TRAPPC9: variants seen among roughly 807,000 people sequenced by gnomAD.
TRAPPC9 encodes IKK2 binding protein.
A neutral mutation model predicts 124.0 loss-of-function variants in TRAPPC9; 83 were observed. The ratio of observed to expected loss-of-function variants is 0.67; its 90% CI spans 0.56 to 0.80. TRAPPC9 has a LOEUF of 0.80. TRAPPC9 is among the 30% of genes least tolerant of loss of function. The pLI, the probability that TRAPPC9 is intolerant of heterozygous loss-of-function variation, is 0.00. For missense variants in TRAPPC9, 1,302 were observed against 1,508.3 expected (o/e 0.86, Z 2.27); for synonymous variants, 638 against 617.5 (o/e 1.03, Z -0.49).
chr8:139,809,722 G>A (rs987189089), intron 21 of TRAPPC9, among the ~76,000 whole-genome samples: 5 of 151,940 alleles, frequency 3.3e-5, no homozygotes, highest in South Asian at 4.2e-4. Flanking sequence ...CAGCCCTGCC[G>A]GCACCATCCT....
intron 20 of TRAPPC9, among the ~76,000 whole-genome samples, chr8:139,899,807 T>C (rs765773983): frequency 7.2e-5 from 11 of 152,140 alleles, no homozygotes; most frequent in Non-Finnish European, 8.8e-5. Context: ...GCCTCCTTCA[T>C]TCCAACTCGA....
chr8:139,945,092 C>T (rs543929910), intron 19 of TRAPPC9, among the ~76,000 whole-genome samples: 1 of 152,066 alleles, frequency 6.6e-6, no homozygotes, highest in East Asian at 1.9e-4. Context: ...CCATTGTGCT[C>T]CAGCCTATGC....
At chr8:139,946,166 A>C (rs1834201295) in intron 19 of TRAPPC9, among the ~76,000 whole-genome samples, 1 of 152,212 alleles carries the variant, frequency 6.6e-6, no homozygotes, top group Non-Finnish European at 1.5e-5. Flanking sequence ...CTTTTAAGGA[A>C]GATCTCAAAG....
At chr8:140,050,437 G>T in intron 17 of TRAPPC9, among the ~76,000 whole-genome samples, 1 of 152,168 alleles carries the variant, frequency 6.6e-6, no homozygotes, top group Non-Finnish European at 1.5e-5. Context: ...TCAGGGGACT[G>T]AAGCTCAGAG....
chr8:139,846,302 C>A (rs548303837), intron 21 of TRAPPC9, among the ~76,000 whole-genome samples: 45 of 152,284 alleles, frequency 3.0e-4, no homozygotes, highest in African/African-American at 9.6e-4. Flanking sequence ...TTCCACCCCC[C>A]ACCCCCCGCA....
chr8:140,175,245 T>C (rs150811535), intron 17 of TRAPPC9, among the ~76,000 whole-genome samples: 1 of 151,946 alleles, frequency 6.6e-6, no homozygotes, highest in Non-Finnish European at 1.5e-5. Context: ...ATTCATCCAA[T>C]AGTTGCCCCA....
chr8:139,943,895 A>G (rs909580019), intron 19 of TRAPPC9, among the ~76,000 whole-genome samples: 2 of 152,204 alleles, frequency 1.3e-5, no homozygotes, highest in African/African-American at 2.4e-5. Flanking sequence ...TAGGAAAAAA[A>G]CAAAACAAAA....
At chr8:139,923,021 C>T (rs897738265) in intron 19 of TRAPPC9, among the ~76,000 whole-genome samples, 7 of 151,696 alleles carry the variant, frequency 4.6e-5, no homozygotes, top group Admixed American at 2.0e-4. Context: ...CCAGCAGAGT[C>T]AAGCCCTACA....
At chr8:139,951,211 A>G (rs1008054412) in intron 19 of TRAPPC9, among the ~76,000 whole-genome samples, 1 of 152,132 alleles carries the variant, frequency 6.6e-6, no homozygotes, top group Non-Finnish European at 1.5e-5. Context: ...CCCTACTCCT[A>G]TAGGGGCTTG....
chr8:139,815,034 G>A (rs908024530), intron 21 of TRAPPC9, among the ~76,000 whole-genome samples: 11 of 152,316 alleles, frequency 7.2e-5, no homozygotes, highest in African/African-American at 2.2e-4. Flanking sequence ...ACCTGGGCCC[G>A]ACTCTTAGCA....
chr8:140,324,560 C>T (rs1195467201), intron 9 of TRAPPC9, among the ~76,000 whole-genome samples: 3 of 152,024 alleles, frequency 2.0e-5, no homozygotes, highest in Non-Finnish European at 4.4e-5. Flanking sequence ...TGCTTGAGCC[C>T]AGAAGTTCGA....
chr8:140,074,689 G>A (rs540537593), intron 17 of TRAPPC9, among the ~76,000 whole-genome samples: 24 of 152,340 alleles, frequency 1.6e-4, no homozygotes, highest in African/African-American at 5.1e-4. Context: ...AAGACAAGCA[G>A]GATCAAGCTG....
At chr8:139,959,886 CA>C (rs911335028) in intron 19 of TRAPPC9, among the ~76,000 whole-genome samples, 26 of 152,330 alleles carry the variant, frequency 1.7e-4, no homozygotes, top group Admixed American at 1.5e-3. Context: ...TCAGACCACA[CA>C]AGACCCAGGA....
chr8:139,773,162 C>T (rs114642453), intron 21 of TRAPPC9, among the ~76,000 whole-genome samples: 2 of 152,320 alleles, frequency 1.3e-5, no homozygotes, highest in African/African-American at 4.8e-5. Flanking sequence ...CTGCACCTAC[C>T]CAGCAGGTAG....
At chr8:140,188,603 A>G (rs2062403061) in intron 17 of TRAPPC9, among the ~76,000 whole-genome samples, 2 of 152,186 alleles carry the variant, frequency 1.3e-5, no homozygotes, top group Admixed American at 1.3e-4. Context: ...ACACTGGCCT[A>G]TCCCTGCCTT....
At chr8:140,421,051 T>C (rs2070184964) in intron 5 of TRAPPC9, among the ~76,000 whole-genome samples, 1 of 152,148 alleles carries the variant, frequency 6.6e-6, no homozygotes, top group Non-Finnish European at 1.5e-5. Flanking sequence ...TCACAGCTCC[T>C]GTAATTCAGA....
intron 18 of TRAPPC9, among the ~76,000 whole-genome samples, chr8:140,011,379 T>C (rs561666520): frequency 5.2e-4 from 78 of 151,450 alleles, no homozygotes; most frequent in African/African-American, 1.9e-3. Flanking sequence ...AACAATATTA[T>C]ATATATTTAG....
chr8:140,219,375 T>C (rs2063278974), intron 17 of TRAPPC9, among the ~76,000 whole-genome samples: 1 of 152,198 alleles, frequency 6.6e-6, no homozygotes, highest in Non-Finnish European at 1.5e-5. Flanking sequence ...TTACAAAACG[T>C]TACGTTTTCC....
At chr8:140,446,606 T>C (rs147035468) in intron 2 of TRAPPC9, among the ~76,000 whole-genome samples, 117 of 152,160 alleles carry the variant, frequency 7.7e-4, no homozygotes, top group Non-Finnish European at 1.2e-3. Context: ...CAGGCTAGAG[T>C]GCAATGGCAT....
Sources: gnomAD v4.1 joint callset for allele counts (sites outside exome capture counted in the v4.1 genomes callset) on GRCh38, gnomAD v4.1.1 for gene constraint, MANE v1.5 for transcripts, NCBI Gene and HGNC (gene_info 2026-07-23, HGNC 2026-07-21) for gene names.